Variants in SCHIP1 observed in about 807,000 individuals in gnomAD.
The protein encoded by SCHIP1 is schwannomin-interacting protein 1.
In SCHIP1, 8 loss-of-function variants were observed where a neutral mutation model predicts 29.7. The observed-to-expected ratio is 0.27, with a 90% confidence interval of 0.16 to 0.49. The LOEUF (loss-of-function observed/expected upper bound fraction) is 0.49, where lower values mean the gene tolerates loss of function less well. SCHIP1 is among the 20% of genes least tolerant of loss of function. The probability of loss-of-function intolerance (pLI) is 0.99; values close to 1 mark genes in which losing one functional copy is unlikely to be tolerated. For synonymous variants in SCHIP1, 76 were observed against 94.9 expected, an observed-to-expected ratio of 0.80 and a Z score of 1.16; for missense variants, 193 against 294.6, an observed-to-expected ratio of 0.66 and a Z score of 2.52.
chr3:159,296,106 C>A, the SCHIP1 span, among the ~76,000 whole-genome samples: 1 of 149,984 alleles, frequency 6.7e-6, no homozygotes. Context: ...GGAAAACAAC[C>A]GAAATTTGAG....
At chr3:159,868,181 A>C (rs766741371) in intron 2 of SCHIP1, among the ~76,000 whole-genome samples, 2 of 151,198 alleles carry the variant, frequency 1.3e-5, no homozygotes, top group African/African-American at 2.4e-5. Context: ...GGATGTATAC[A>C]TATATATATG....
the SCHIP1 span, among the ~76,000 whole-genome samples, chr3:159,714,171 G>T: frequency 6.6e-6 from 1 of 152,140 alleles, no homozygotes; most frequent in Non-Finnish European, 1.5e-5. Flanking sequence ...CAGGAGGCAG[G>T]GTTGCAGTGA....
At chr3:159,432,072 G>A in the SCHIP1 span, among the ~76,000 whole-genome samples, 1 of 152,078 alleles carries the variant, frequency 6.6e-6, no homozygotes, top group African/African-American at 2.4e-5. Flanking sequence ...TTGTATGGGT[G>A]GTCTGGCTTG....
chr3:159,600,208 G>C, the SCHIP1 span, among the ~76,000 whole-genome samples: 1 of 152,100 alleles, frequency 6.6e-6, no homozygotes, highest in Non-Finnish European at 1.5e-5. Context: ...TTCTTGCATT[G>C]TATCTACCTG....
the SCHIP1 span, among the ~76,000 whole-genome samples, chr3:159,600,057 A>C: frequency 6.6e-6 from 1 of 152,132 alleles, no homozygotes. Context: ...CTGGCCTGTA[A>C]GATTTCTGCT....
chr3:159,852,852 G>C (rs1385810591), intron 1 of SCHIP1: 1 of 152,262 alleles, frequency 6.6e-6, no homozygotes, highest in Non-Finnish European at 1.5e-5. Context: ...TTTGTCATGG[G>C]ATACCCAGCT....
At chr3:159,331,780 A>G in the SCHIP1 span, among the ~76,000 whole-genome samples, 1 of 152,086 alleles carries the variant, frequency 6.6e-6, no homozygotes, top group African/African-American at 2.4e-5. Context: ...CCAACCTATA[A>G]TCTTTCCTAT....
the SCHIP1 span, among the ~76,000 whole-genome samples, chr3:159,828,361 T>TTA: frequency 0.26 from 25,877 of 101,240 alleles, 4,780 homozygotes; most frequent in East Asian, 0.5. Context: ...AGTGTAACCT[T>TTA]TATATATATA....
intron 1 of SCHIP1, chr3:159,853,352 C>CT: frequency 1.5e-6 from 1 of 684,010 alleles, no homozygotes. Flanking sequence ...GAGGTTATTT[C>CT]TTAAGTGAAA....
At chr3:159,693,769 C>T in the SCHIP1 span, among the ~76,000 whole-genome samples, 18 of 152,168 alleles carry the variant, frequency 1.2e-4, no homozygotes, top group African/African-American at 4.1e-4. Flanking sequence ...GAAAAATTCA[C>T]CTAGAGCTGA....
the SCHIP1 span, among the ~76,000 whole-genome samples, chr3:159,795,083 C>T: frequency 2.6e-5 from 4 of 152,124 alleles, no homozygotes; most frequent in Non-Finnish European, 5.9e-5. Context: ...AGTAAAGGAG[C>T]GGTGAACTGT....
the SCHIP1 span, among the ~76,000 whole-genome samples, chr3:159,599,570 A>C: frequency 6.6e-6 from 1 of 152,174 alleles, no homozygotes; most frequent in Non-Finnish European, 1.5e-5. Context: ...GTTGCTTCAA[A>C]TGCCATTATT....
the SCHIP1 span, among the ~76,000 whole-genome samples, chr3:159,501,160 G>T: frequency 6.6e-6 from 1 of 152,094 alleles, no homozygotes; most frequent in Admixed American, 6.5e-5. Context: ...TTGTTTATTT[G>T]GTTTTTAAAC....
the SCHIP1 span, among the ~76,000 whole-genome samples, chr3:159,715,752 GA>G: frequency 3.1e-4 from 47 of 152,340 alleles, no homozygotes; most frequent in African/African-American, 1.1e-3. Context: ...GGGACTATGT[GA>G]AAAGACCAAA....
intron 3 of SCHIP1, 101 bp downstream of exon 4, chr3:159,886,425 T>C (rs33055): frequency 0.32 from 348,115 of 1,074,596 alleles, 64,466 homozygotes; most frequent in East Asian, 0.73. Context: ...ATTTCAGAGA[T>C]TAAAGAAGAA....
the SCHIP1 span, among the ~76,000 whole-genome samples, chr3:159,493,666 C>T: frequency 6.6e-5 from 10 of 151,012 alleles, no homozygotes; most frequent in East Asian, 1.8e-3. Context: ...GACTTTAACA[C>T]CCCACTGTCA....
chr3:159,561,039 C>A, the SCHIP1 span, among the ~76,000 whole-genome samples: 1 of 152,106 alleles, frequency 6.6e-6, no homozygotes, highest in Non-Finnish European at 1.5e-5. Flanking sequence ...CAGAAATAAT[C>A]CTGACGTTTA....
the SCHIP1 span, among the ~76,000 whole-genome samples, chr3:159,395,913 A>C: frequency 6.6e-6 from 1 of 152,086 alleles, no homozygotes; most frequent in Non-Finnish European, 1.5e-5. Flanking sequence ...TAATGTTGAC[A>C]GTGGGGTGTT....
chr3:159,523,018 T>C, the SCHIP1 span, among the ~76,000 whole-genome samples: 3 of 152,200 alleles, frequency 2.0e-5, no homozygotes, highest in Non-Finnish European at 4.4e-5. Context: ...ATATACCCAT[T>C]ATCTGGCCTC....
Sources: gnomAD v4.1 joint callset for allele counts (sites outside exome capture counted in the v4.1 genomes callset) on GRCh38, gnomAD v4.1.1 for gene constraint, MANE v1.5 for transcripts, NCBI Gene and HGNC (gene_info 2026-07-23, HGNC 2026-07-21) for gene names.